Variants in PTPRJ observed in about 807,000 individuals in gnomAD.
PTPRJ encodes the protein receptor-type tyrosine-protein phosphatase eta.
In PTPRJ, 129 loss-of-function variants were observed where a neutral mutation model predicts 141.3. The observed-to-expected ratio is 0.91, with a 90% CI of 0.79 to 1.06. The LOEUF (loss-of-function observed/expected upper bound fraction) is 1.06, where lower values mean the gene tolerates loss of function less well. Ranked by LOEUF, PTPRJ falls within the 50% of genes least tolerant of loss-of-function variation. The pLI is 0.00. For synonymous variants in PTPRJ, 610 were observed against 640.5 expected (o/e 0.95, Z 0.72); for missense variants, 1,601 against 1,679.7 (o/e 0.95, Z 0.82).
rs66504227 is a variant in PTPRJ, at chr11:48,035,538, C to CTTTTTTTTT, written c.96+54549_96+54557dup. ...TTTCTTTTCTTTTTTCTTTCTTCTT[C>CTTTTTTTTT]TTTTTTTTTTTTTTTTTTTTTTTTT... On this transcript the variant is annotated intron_variant, in intron 1 of 24. Coordinates refer to ENST00000418331, the MANE Select transcript of PTPRJ (RefSeq NM_002843.4). Among the ~76,000 whole-genome samples, 192 of 61,756 alleles carry CTTTTTTTTT rather than the reference C, an allele frequency of 3.1e-3. 1 individual carries two copies. The highest frequency in any genetic ancestry group is 6.0e-3 in the East Asian group (11 of 1,844). The allele number at this position is 61,756 out of a possible 152,430, so 40.5% of individuals were successfully genotyped here. A position where few individuals can be genotyped will look rare whatever the true frequency, so the allele number is the denominator to read the frequency against.
intron 11 of PTPRJ, among the ~76,000 whole-genome samples, chr11:48,140,510 G>A (rs551546540): frequency 6.6e-6 from 1 of 152,276 alleles, no homozygotes; most frequent in Admixed American, 6.5e-5. Context: ...AAGGACCTGG[G>A]GATGGACCTT....
At chr11:48,061,926 T>TTA (rs1555038690) in intron 1 of PTPRJ, among the ~76,000 whole-genome samples, 15 of 144,808 alleles carry the variant, frequency 1.0e-4, no homozygotes, top group South Asian at 4.2e-4. Context: ...TTTTTTTTTT[T>TTA]TTTCTTTTGA....
chr11:48,125,214 A>G (rs774211762), intron 6 of PTPRJ, 28 bp downstream of exon 6: 2 of 1,606,452 alleles, frequency 1.2e-6, no homozygotes, highest in Admixed American at 1.7e-5. Context: ...AAATGGTGGC[A>G]GCCAGAGTTT....
chr11:48,143,910 G>T (rs1045970717), intron 12 of PTPRJ, among the ~76,000 whole-genome samples: 5 of 148,980 alleles, frequency 3.4e-5, no homozygotes, highest in Non-Finnish European at 5.9e-5. Context: ...TTAGAGACAA[G>T]ATCTCACCAT....
chr11:48,117,837 A>T (rs986119442), intron 3 of PTPRJ, among the ~76,000 whole-genome samples: 3 of 152,164 alleles, frequency 2.0e-5, no homozygotes, highest in Non-Finnish European at 4.4e-5. Flanking sequence ...AGCTAGACTA[A>T]GAAAAAAGAG....
intron 1 of PTPRJ, among the ~76,000 whole-genome samples, chr11:48,031,174 T>A (rs960820160): frequency 6.6e-6 from 1 of 152,224 alleles, no homozygotes; most frequent in Non-Finnish European, 1.5e-5. Context: ...TTTGTTATTT[T>A]TATTTTTTTA....
chr11:48,101,134 C>G (rs1162432519), intron 1 of PTPRJ, among the ~76,000 whole-genome samples: 1 of 152,164 alleles, frequency 6.6e-6, no homozygotes, highest in Non-Finnish European at 1.5e-5. Context: ...GCTGCTGTTT[C>G]TAAAGCCCCT....
chr11:48,123,798 T>C lies in PTPRJ; in HGVS notation c.802T>C (p.Tyr268His), dbSNP rs1342061160. The C allele has an allele frequency of 1.9e-6, 3 of 1,614,032 alleles. No individual in the cohort carries two copies. Among genetic ancestry groups the C allele is most frequent in the Admixed American group, 1.7e-5 (1 of 60,010 alleles). The stretch of plus-strand genomic sequence containing the variant: ...CTCGGGCCTGAAGCCAGGGGTTCAA[T>C]ACAACATCAACCCGTATCTTCTACA... Reference protein sequence around the residue: ...NISGLKPGVQYNINPYLLQSN... With the variant: ...NISGLKPGVQHNINPYLLQSN... The change falls in exon 5 of 25, where the codon TAC (tyrosine) becomes CAC (histidine). Residue 268 changes from tyrosine (Y) to histidine (H), a missense_variant. By Grantham distance (83) the Tyr-to-His change is moderately conservative. Transcript: ENST00000418331.
rs1184862717 is a variant in PTPRJ at position 48,136,216 on chromosome 11, CG to C, written c.1796del (p.Gly599AlafsTer36). On this transcript the variant is annotated frameshift_variant, in exon 9 of 25. Transcript: ENST00000418331. LOFTEE classifies it high-confidence loss of function. ...DKAITLQGLIPGTLYNITISP... is the reference protein window; with the variant it reads ...DKAITLQGLIXGTLYNITISP... ...GCGATTACTCTCCAGGGCCTGATTC[CG>C]GGCACCTTATATAACATCACCATCT... is the stretch of plus-strand genomic sequence containing the variant. 1.2e-6 allele frequency: 2 copies of C among 1,614,074 alleles called. No homozygotes were observed. Among genetic ancestry groups the C allele is most frequent in the Non-Finnish European group, 1.7e-6 (2 of 1,180,052 alleles).
intron 7 of PTPRJ, among the ~76,000 whole-genome samples, chr11:48,128,852 T>C (rs1856903204): frequency 6.6e-6 from 1 of 152,220 alleles, no homozygotes; most frequent in Non-Finnish European, 1.5e-5. Flanking sequence ...GTCCATTCCT[T>C]CGCAGGAAGC....
intron 1 of PTPRJ, among the ~76,000 whole-genome samples, chr11:48,025,770 A>G (rs779744320): frequency 2.0e-5 from 3 of 152,188 alleles, no homozygotes; most frequent in Non-Finnish European, 4.4e-5. Flanking sequence ...GGCGCTCTAA[A>G]TGGCGCGTCA....
At chr11:48,117,002 C>G (rs561752668) in intron 3 of PTPRJ, among the ~76,000 whole-genome samples, 60 of 152,258 alleles carry the variant, frequency 3.9e-4, no homozygotes, top group African/African-American at 1.4e-3. Flanking sequence ...TAGGATCTGT[C>G]CCCAGGTCAC....
rs142074473 is a variant in PTPRJ at position 48,136,124 on chromosome 11, C to T, written c.1701C>T (p.Ser567=). The part of the protein sequence containing the change: ...WLDWKSPDGA[S]EYVYHLVIES... ...ACTGGAAGAGCCCTGACGGTGCTTC[C>T]GAGTATGTCTACCATTTAGTCATAG... The change falls in exon 9 of 25, where the codon TCC becomes TCT. Residue 567 remains serine, a synonymous_variant. Transcript: ENST00000418331. 40 of 1,614,148 alleles carry T rather than the reference C, an allele frequency of 2.5e-5. No homozygotes were observed. The African/African-American group carries it at 2.9e-4, about 12-fold the overall frequency.
In PTPRJ at chr11:48,123,658, G is replaced by T; in HGVS notation, c.662G>T (p.Arg221Met). 8 of 1,614,186 alleles carry T rather than the reference G, an allele frequency of 5.0e-6. No individual in the cohort carries two copies. The highest frequency in any genetic ancestry group is 6.8e-6 in the Non-Finnish European group (8 of 1,180,014). ...CTCCGTGTTGCCCTCACGGGTGTGAGGAAGGCTGCTCTCTCCTGGAGCAAT... is the reference window on the plus strand; with the variant it reads ...CTCCGTGTTGCCCTCACGGGTGTGATGAAGGCTGCTCTCTCCTGGAGCAAT... ...SDLRVALTGV[R>M]KAALSWSNGN... The change falls in exon 5 of 25, where the codon AGG becomes ATG. Residue 221 changes from arginine (R) to methionine (M), a missense_variant. By Grantham distance (91) the Arg-to-Met change is moderately conservative (BLOSUM62 -1). Transcript: ENST00000418331.
intron 1 of PTPRJ, among the ~76,000 whole-genome samples, chr11:48,010,201 A>G (rs938043964): frequency 2.6e-5 from 4 of 152,056 alleles, no homozygotes; most frequent in Non-Finnish European, 5.9e-5. Context: ...TTTTTGAGAC[A>G]GAGTCTAGCT....
At chr11:48,143,950 C>G (rs1857294091) in intron 12 of PTPRJ, among the ~76,000 whole-genome samples, 1 of 151,468 alleles carries the variant, frequency 6.6e-6, no homozygotes, top group South Asian at 2.1e-4. Flanking sequence ...AACTCCTGGA[C>G]TCAAGTAATC....
At chr11:48,126,813 CACACACAGAT>C (rs1378994123) in intron 6 of PTPRJ, among the ~76,000 whole-genome samples, 3 of 136,940 alleles carry the variant, frequency 2.2e-5, no homozygotes, top group African/African-American at 3.1e-5. Flanking sequence ...CACACACACA[CACACACAGAT>C]AAACACACAT....
intron 1 of PTPRJ, among the ~76,000 whole-genome samples, chr11:48,078,576 G>A (rs1413555475): frequency 6.6e-6 from 1 of 152,132 alleles, no homozygotes; most frequent in Non-Finnish European, 1.5e-5. Context: ...CGGAGTGAGA[G>A]GCATCAGGAA....
At chr11:48,100,138 G>A (rs909609582) in intron 1 of PTPRJ, among the ~76,000 whole-genome samples, 1 of 152,114 alleles carries the variant, frequency 6.6e-6, no homozygotes, top group Non-Finnish European at 1.5e-5. Flanking sequence ...GCTGCCTTGG[G>A]GGCTCAGTGC....
Sources: allele counts gnomAD v4.1 joint callset (sites outside exome capture counted in the v4.1 genomes callset), GRCh38; gene constraint gnomAD v4.1.1; transcripts MANE v1.5; gene names NCBI Gene and HGNC (gene_info 2026-07-23, HGNC 2026-07-21).